Variants in COX10 observed in about 807,000 individuals in gnomAD.
The protein encoded by COX10 is protoheme IX farnesyltransferase, mitochondrial.
A neutral mutation model predicts 37.3 loss-of-function variants in COX10; 27 were observed. That is an observed-to-expected ratio of 0.72 (90% CI 0.53 to 1.00). The LOEUF is 1.00. COX10 is among the 50% of genes least tolerant of loss of function. The pLI, the probability that COX10 is intolerant of heterozygous loss-of-function variation, is 0.00. For synonymous variants in COX10, 222 were observed against 229.1 expected (o/e 0.97, Z 0.28); for missense variants, 475 against 563.2 (o/e 0.84, Z 1.59).
intron 6 of COX10, among the ~76,000 whole-genome samples, chr17:14,205,318 C>G (rs956010314): frequency 1.3e-5 from 2 of 152,092 alleles, no homozygotes; most frequent in African/African-American, 4.8e-5. Flanking sequence ...CCACTCTCTC[C>G]AGCTCAGCTG....
rs114727023 is a variant in COX10 at position 14,201,305 on chromosome 17, A to G, written c.929-5505A>G. On this transcript the variant is annotated intron_variant, in intron 6 of 6. Coordinates refer to ENST00000261643, the MANE Select transcript of COX10 (RefSeq NM_001303.4). ...AGAAAGTAATTTGTTTTCATCTTTTATAGGAGGAGAGGCAGTTGAAGCATA... is the reference window on the plus strand; with the variant it reads ...AGAAAGTAATTTGTTTTCATCTTTTGTAGGAGGAGAGGCAGTTGAAGCATA... Among the ~76,000 whole-genome samples the G allele has an allele frequency of 3.5e-3, 537 of 152,274 alleles. 4 individuals are homozygous for G. Among genetic ancestry groups the G allele is most frequent in the African/African-American group, 0.012 (518 of 41,570 alleles).
intron 3 of COX10, among the ~76,000 whole-genome samples, chr17:14,099,350 A>C (rs943787924): frequency 6.6e-6 from 1 of 152,152 alleles, no homozygotes; most frequent in Non-Finnish European, 1.5e-5. Flanking sequence ...TGATTTAGCA[A>C]TATCAAGAAA....
chr17:14,175,955 G>A (rs1162229130), intron 5 of COX10, among the ~76,000 whole-genome samples: 4 of 152,072 alleles, frequency 2.6e-5, no homozygotes, highest in African/African-American at 4.8e-5. Context: ...CAGAAGGGCT[G>A]GAACTCCATG....
chr17:14,148,218 G>A (rs16949080), intron 4 of COX10, among the ~76,000 whole-genome samples: 15,674 of 152,202 alleles, frequency 0.1, 924 homozygotes, highest in Middle Eastern at 0.17. Context: ...TCTGATGAAT[G>A]CCAGAGCACA....
At chr17:14,109,343 A>G (rs1246800464) in intron 4 of COX10, among the ~76,000 whole-genome samples, 1 of 152,212 alleles carries the variant, frequency 6.6e-6, no homozygotes, top group Non-Finnish European at 1.5e-5. Flanking sequence ...TTTCTAAATT[A>G]CATTTGATTC....
chr17:14,207,154 C>G lies in COX10; in HGVS notation c.1273C>G (p.Leu425Val). The G allele has an allele frequency of 6.2e-7, 1 of 1,612,698 alleles. No homozygotes were observed. Among genetic ancestry groups the G allele is most frequent in the Non-Finnish European group, 8.5e-7 (1 of 1,179,676 alleles). The change falls in exon 7 of 7, where the codon CTC becomes GTC. Residue 425 changes from leucine (L) to valine (V), a missense_variant. Around this residue, in one of 5 missense-constraint regions of COX10, gnomAD observed 160 missense variants for 180.6 expected, o/e 0.89. Transcript: ENST00000261643. ...SLWHLPLLLLLMLTCKRPSGG... is the reference protein window; with the variant it reads ...SLWHLPLLLLVMLTCKRPSGG... ...GTGGCACCTGCCGCTGCTGCTGCTG[C>G]TCATGCTCACCTGCAAGCGGCCGAG...
At chr17:14,151,702 A>G (rs775385361) in intron 4 of COX10, among the ~76,000 whole-genome samples, 1 of 152,178 alleles carries the variant, frequency 6.6e-6, no homozygotes, top group Non-Finnish European at 1.5e-5. Context: ...ATTAAAGTAC[A>G]TATATCAAGT....
At chr17:14,123,740 C>T (rs911773005) in intron 4 of COX10, among the ~76,000 whole-genome samples, 4 of 152,058 alleles carry the variant, frequency 2.6e-5, no homozygotes, top group African/African-American at 9.7e-5. Context: ...CAATGTGAGA[C>T]GGAGTTAACC....
At chr17:14,167,233 C>T (rs940586147) in intron 5 of COX10, among the ~76,000 whole-genome samples, 3 of 152,158 alleles carry the variant, frequency 2.0e-5, no homozygotes, top group African/African-American at 7.2e-5. Flanking sequence ...TAGCTGCAAT[C>T]TCATGATAAA....
In COX10 at chr17:14,207,177, G is replaced by A. The variant is rs756193619; in HGVS notation, c.1296G>A (p.Pro432=). ...TGCTCATGCTCACCTGCAAGCGGCC[G>A]AGCGGAGGCGGGGACGCAGGGCCCC... ...LLLLMLTCKR[P]SGGGDAGPPP... is the part of the protein sequence containing the mutation. Residue 432 remains proline (P), a synonymous_variant, in exon 7 of 7, where the codon CCG becomes CCA. Coordinates refer to ENST00000261643, the MANE Select transcript of COX10 (RefSeq NM_001303.4). The A allele has an allele frequency of 2.6e-5, 41 of 1,606,492 alleles. No homozygotes were observed. The highest frequency in any genetic ancestry group is 5.5e-5 in the South Asian group (5 of 90,910).
intron 5 of COX10, among the ~76,000 whole-genome samples, chr17:14,168,902 A>C (rs1168670380): frequency 6.6e-6 from 1 of 152,222 alleles, no homozygotes; most frequent in Non-Finnish European, 1.5e-5. Context: ...CTTGGCAATT[A>C]ACATTATGCT....
intron 4 of COX10, among the ~76,000 whole-genome samples, chr17:14,119,098 A>G (rs985555492): frequency 1.3e-5 from 2 of 151,954 alleles, no homozygotes; most frequent in Non-Finnish European, 2.9e-5. Flanking sequence ...TTTATTCATC[A>G]TTGAACTAAG....
At chr17:14,123,712 CT>C (rs1254822854) in intron 4 of COX10, among the ~76,000 whole-genome samples, 4 of 152,260 alleles carry the variant, frequency 2.6e-5, no homozygotes, top group African/African-American at 9.6e-5. Flanking sequence ...AATAAATTCA[CT>C]CTCCTGCAGT....
At chr17:14,081,474 A>G (rs1423194713) in intron 3 of COX10, among the ~76,000 whole-genome samples, 1 of 152,226 alleles carries the variant, frequency 6.6e-6, no homozygotes, top group Non-Finnish European at 1.5e-5. Flanking sequence ...GAATACCTTG[A>G]GGTGAAGCAG....
chr17:14,149,327 G>C lies in COX10; in HGVS notation c.625-10550G>C, dbSNP rs185311176. ...CTACTCTAGGCAAGTAATTTTGTAG[G>C]TATGATGTATATGAAATGAAATGAT... On this transcript the variant is annotated intron_variant, in intron 4 of 6. Transcript: ENST00000261643. Among the ~76,000 whole-genome samples, 665 of 152,216 alleles carry C rather than the reference G, an allele frequency of 4.4e-3. 6 individuals carry two copies. The highest frequency in any genetic ancestry group is 0.015 in the African/African-American group (635 of 41,532).
chr17:14,173,705 C>G (rs1269395061), intron 5 of COX10, among the ~76,000 whole-genome samples: 1 of 152,050 alleles, frequency 6.6e-6, no homozygotes, highest in Non-Finnish European at 1.5e-5. Context: ...GAGCTCCTGA[C>G]TAGTATATAA....
chr17:14,101,487 G>T (rs947866387), intron 3 of COX10, among the ~76,000 whole-genome samples: 2 of 152,150 alleles, frequency 1.3e-5, no homozygotes, highest in African/African-American at 2.4e-5. Context: ...GGAAAGAAGC[G>T]CCAGGGCCTA....
chr17:14,184,185 C>T (rs1905955496), intron 5 of COX10, among the ~76,000 whole-genome samples: 1 of 152,132 alleles, frequency 6.6e-6, no homozygotes, highest in Non-Finnish European at 1.5e-5. Context: ...AGCCTTTTTA[C>T]CTAAGCAAGT....
chr17:14,154,353 A>G (rs1413027158), intron 4 of COX10, among the ~76,000 whole-genome samples: 1 of 152,244 alleles, frequency 6.6e-6, no homozygotes, highest in Non-Finnish European at 1.5e-5. Context: ...GTGTTTTTAT[A>G]TACCGACTAG....
Sources: gnomAD v4.1 joint callset for allele counts (sites outside exome capture counted in the v4.1 genomes callset) on GRCh38, gnomAD v4.1.1 for gene constraint, gnomAD v4.1.1 regional missense constraint, MANE v1.5 for transcripts, NCBI Gene and HGNC (gene_info 2026-07-23, HGNC 2026-07-21) for gene names.